XYLB: variants seen among roughly 807,000 people sequenced by gnomAD.
XYLB encodes xylulose kinase.
Under a neutral mutation model 78.7 loss-of-function variants are expected in XYLB, and 62 were observed. That is an observed-to-expected ratio of 0.79 (90% CI 0.64 to 0.97). XYLB has a LOEUF of 0.97. XYLB is among the 50% of genes least tolerant of loss of function. The probability of loss-of-function intolerance (pLI) is 0.00; values close to 1 mark genes in which losing one functional copy is unlikely to be tolerated. For missense variants in XYLB, 687 were observed against 676.8 expected, an observed-to-expected ratio of 1.02 and a Z score of -0.17; for synonymous variants, 245 against 247.4, an observed-to-expected ratio of 0.99 and a Z score of 0.09.
At chr3:38,412,563 T>C (rs1708637671) in intron 18 of XYLB, among the ~76,000 whole-genome samples, 1 of 152,214 alleles carries the variant, frequency 6.6e-6, no homozygotes, top group Non-Finnish European at 1.5e-5. Context: ...GTAGAATAAC[T>C]GGGTCCCATA....
In XYLB at chr3:38,348,590, A is replaced by G. The variant is rs755756436; in HGVS notation, c.98A>G (p.Tyr33Cys). 4.3e-6 allele frequency: 7 copies of G among 1,614,200 alleles called. No individual in the cohort carries two copies. The highest frequency in any genetic ancestry group is 5.1e-6 in the Non-Finnish European group (6 of 1,180,026). ...VAVDAELNVF[Y>C]EESVHFDRDL... The stretch of plus-strand genomic sequence containing the variant: ...GTTGATGCAGAGTTGAATGTCTTCT[A>G]TGAGGAAAGTGTGCATTTTGACAGA... Residue 33 changes from tyrosine (Y) to cysteine (C), a missense_variant, in exon 2 of 19, where the codon TAT (tyrosine) becomes TGT (cysteine). Tyr to Cys is a radical substitution (Grantham distance 194, BLOSUM62 -2). Transcript: ENST00000207870.
At chr3:38,429,919 G>A in the XYLB span, among the ~76,000 whole-genome samples, 455 of 152,282 alleles carry the variant, frequency 3.0e-3, 3 homozygotes, top group African/African-American at 0.01. Context: ...GTATTTCATG[G>A]TGTATATGTG....
At chr3:38,443,745 G>A in the XYLB span, among the ~76,000 whole-genome samples, 17 of 150,594 alleles carry the variant, frequency 1.1e-4, no homozygotes, top group African/African-American at 2.2e-4. Context: ...ATTGACCCTC[G>A]AGGGAGTCAG....
chr3:38,430,560 T>G, the XYLB span, among the ~76,000 whole-genome samples: 1 of 152,228 alleles, frequency 6.6e-6, no homozygotes, highest in African/African-American at 2.4e-5. Flanking sequence ...TTAGTTTAAT[T>G]AGATCCCAAA....
At chr3:38,382,349 T>C (rs577821751) in intron 15 of XYLB, among the ~76,000 whole-genome samples, 2 of 152,314 alleles carry the variant, frequency 1.3e-5, no homozygotes, top group East Asian at 3.9e-4. Flanking sequence ...TTTACTATTG[T>C]TGGAAGTCGG....
At chr3:38,419,591 T>TAA, downstream of XYLB, among the ~76,000 whole-genome samples, 1 of 119,746 alleles carries the variant, frequency 8.4e-6, no homozygotes, top group Non-Finnish European at 1.9e-5. Flanking sequence ...TATATATATA[T>TAA]ATATATATAT....
At position 38,372,935 on chromosome 3, in the gene XYLB, G is replaced by A. The variant is rs78763726; in HGVS notation, c.847+199G>A. On this transcript the variant is annotated intron_variant, in intron 10 of 18. Transcript: ENST00000207870. ...TCATTCCTCACCACTCCCACCCTGC[G>A]ATCTGACTCCTTGTACCTGCCCCAT... is the stretch of plus-strand genomic sequence containing the variant. 5.9e-3 allele frequency among the ~76,000 whole-genome samples: 896 copies of A among 152,018 alleles called. 9 individuals are homozygous for A. Among genetic ancestry groups the A allele is most frequent in the African/African-American group, 0.021 (862 of 41,440 alleles).
At chr3:38,412,453 G>T (rs988907025) in intron 18 of XYLB, among the ~76,000 whole-genome samples, 8 of 152,168 alleles carry the variant, frequency 5.3e-5, no homozygotes, top group African/African-American at 1.9e-4. Flanking sequence ...TTGGCTCATG[G>T]TGGTCTTATA....
At chr3:38,371,749 T>G (rs1706577188) in intron 9 of XYLB, among the ~76,000 whole-genome samples, 1 of 152,166 alleles carries the variant, frequency 6.6e-6, no homozygotes, top group South Asian at 2.1e-4. Flanking sequence ...TGAGGCAGAA[T>G]GTCAAAGCCA....
chr3:38,346,785 G>A lies in XYLB; in HGVS notation c.-84G>A, dbSNP rs1705079818. ...GGCGGAGCTAGGGGCGGGCCCCTGC[G>A]TCTCTGGGCGCTGGAGCGCGGCGAC... On this transcript the variant is annotated 5_prime_UTR_variant, in exon 1 of 19. Transcript: ENST00000207870. The A allele has an allele frequency of 2.2e-6, 3 of 1,381,034 alleles. No individual in the cohort carries two copies. In the South Asian group the frequency reaches 4.5e-5, roughly 21 times the overall value. The allele number at this position is 1,381,034 out of a possible 1,614,324, so 85.5% of individuals were successfully genotyped here.
At chr3:38,412,736 A>G (rs1708645971) in intron 18 of XYLB, among the ~76,000 whole-genome samples, 200 bp from the exon 19 acceptor site, 1 of 152,152 alleles carries the variant, frequency 6.6e-6, no homozygotes, top group Non-Finnish European at 1.5e-5. Context: ...TCTTGTCATA[A>G]TTTACAGTTT....
At chr3:38,388,920 TTAAAA>T (rs1360056859) in intron 15 of XYLB, among the ~76,000 whole-genome samples, 6 of 151,990 alleles carry the variant, frequency 3.9e-5, no homozygotes, top group African/African-American at 1.5e-4. Flanking sequence ...TACTAAAGAA[TTAAAA>T]TAATAAAGAT....
intron 6 of XYLB, among the ~76,000 whole-genome samples, chr3:38,365,989 A>G (rs1706238878): frequency 6.6e-6 from 1 of 151,930 alleles, no homozygotes; most frequent in East Asian, 1.9e-4. Context: ...CCCCTCAATG[A>G]GAAGGCACCT....
chr3:38,350,509 T>G (rs1461684833), intron 2 of XYLB, among the ~76,000 whole-genome samples: 1 of 152,202 alleles, frequency 6.6e-6, no homozygotes, highest in Non-Finnish European at 1.5e-5. Flanking sequence ...ATCAATTGTA[T>G]TGATCTTTTC....
chr3:38,393,025 T>C (rs987873583), intron 15 of XYLB, among the ~76,000 whole-genome samples: 1 of 152,242 alleles, frequency 6.6e-6, no homozygotes, highest in Non-Finnish European at 1.5e-5. Flanking sequence ...TTTTTCCACA[T>C]GTTGATCCAG....
intron 14 of XYLB, 41 bp from the exon 15 acceptor site, chr3:38,379,205 T>C: frequency 6.3e-7 from 1 of 1,593,318 alleles, no homozygotes; most frequent in Non-Finnish European, 8.6e-7. Flanking sequence ...GAATGGACAA[T>C]GAGAGTTCCT....
the XYLB span, among the ~76,000 whole-genome samples, chr3:38,437,183 A>G: frequency 6.6e-6 from 1 of 152,142 alleles, no homozygotes. Flanking sequence ...GATGAATTCA[A>G]TAGAAGTAGA....
chr3:38,442,333 A>T, the XYLB span, among the ~76,000 whole-genome samples: 1 of 152,230 alleles, frequency 6.6e-6, no homozygotes, highest in South Asian at 2.1e-4. Flanking sequence ...GCCAAAAGTA[A>T]ATCATCCACA....
chr3:38,374,549 A>C (rs761535820), intron 11 of XYLB, 47 bp downstream of exon 11: 2 of 1,612,154 alleles, frequency 1.2e-6, no homozygotes, highest in Admixed American at 3.3e-5. Flanking sequence ...TTCCACACTC[A>C]CACCCACACT....
Sources: gnomAD v4.1 joint callset for allele counts (sites outside exome capture counted in the v4.1 genomes callset) on GRCh38, gnomAD v4.1.1 for gene constraint, MANE v1.5 for transcripts, NCBI Gene and HGNC (gene_info 2026-07-23, HGNC 2026-07-21) for gene names.